The following SFI1 variants were observed in gnomAD, a reference collection of about 807,000 sequenced individuals.
The protein encoded by SFI1 is protein SFI1 homolog.
Under a neutral mutation model 207.5 loss-of-function variants are expected in SFI1, and 195 were observed. That is an observed-to-expected ratio of 0.94 (90% CI 0.84 to 1.06). SFI1 has a LOEUF of 1.06. Ranked by LOEUF, SFI1 falls within the 50% of genes least tolerant of loss-of-function variation. SFI1 has a pLI of 0.00. For synonymous variants in SFI1, 630 were observed against 598.9 expected (o/e 1.05, Z -0.76); for missense variants, 1,634 against 1,588.0 (o/e 1.03, Z -0.49).
chr22:31,613,707 A>T lies in SFI1; in HGVS notation c.2848A>T (p.Ser950Cys). The T allele has an allele frequency of 1.2e-6, 2 of 1,613,004 alleles. No homozygotes were observed. Among genetic ancestry groups the T allele is most frequent in the African/African-American group, 1.3e-5 (1 of 75,062 alleles). The change falls in exon 27 of 33, where the codon AGC becomes TGC. Residue 950 changes from serine to cysteine, a missense_variant. Coordinates refer to ENST00000400288, the MANE Select transcript of SFI1 (RefSeq NM_001007467.3). ...TCAGCCCCTGGCAGCCATCGCACCCAGCAGGAAAGTGACGTTTGAGGGTCC... is the reference window on the plus strand; with the variant it reads ...TCAGCCCCTGGCAGCCATCGCACCCTGCAGGAAAGTGACGTTTGAGGGTCC... ...KPQPLAAIAPSRKVTFEGPLL... is the reference protein window; with the variant it reads ...KPQPLAAIAPCRKVTFEGPLL...
chr22:31,556,582 C>G (rs1217838812), intron 6 of SFI1, among the ~76,000 whole-genome samples: 1 of 152,174 alleles, frequency 6.6e-6, no homozygotes, highest in African/African-American at 2.4e-5. Flanking sequence ...TTGATTATCA[C>G]TCATGCCATT....
chr22:31,573,741 TCTG>T (rs2063191843), intron 9 of SFI1, among the ~76,000 whole-genome samples: 1 of 152,164 alleles, frequency 6.6e-6, no homozygotes, highest in Non-Finnish European at 1.5e-5. Flanking sequence ...TCCGGCCTCT[TCTG>T]TATATTTTTT....
At position 31,601,990 on chromosome 22, in the gene SFI1, G is replaced by T. The variant is rs545602518; in HGVS notation, c.1545-222G>T. Among the ~76,000 whole-genome samples, 613 of 143,958 alleles carry T rather than the reference G, an allele frequency of 4.3e-3. 14 individuals carry two copies. The highest frequency in any genetic ancestry group is 0.015 in the African/African-American group (585 of 39,286). 94.4% of individuals were successfully genotyped at this position (143,958 alleles called of 152,430 possible). On this transcript the variant is annotated intron_variant, in intron 15 of 32. Coordinates refer to ENST00000400288, the MANE Select transcript of SFI1 (RefSeq NM_001007467.3). ...AATTTTTTTGTAGAGATGGAGTTTT[G>T]CTATGTTGCCCAGGCTGGTCTTGGC...
chr22:31,610,976 C>T (rs1167113954), intron 22 of SFI1, among the ~76,000 whole-genome samples, 167 bp from the exon 23 acceptor site: 2 of 152,234 alleles, frequency 1.3e-5, no homozygotes. Context: ...GTGGCCAGAG[C>T]TGTCCCTAGA....
intron 4 of SFI1, among the ~76,000 whole-genome samples, chr22:31,540,253 ATTTTATTTTATTTTATTTATTTATTTAT>A (rs1229937975): frequency 1.4e-5 from 2 of 147,736 alleles, no homozygotes; most frequent in African/African-American, 5.1e-5. Flanking sequence ...ATTTATTTAT[ATTTTATTTTATTTTATTTATTTATTTAT>A]TTTTATTTTA....
At chr22:31,554,201 T>A (rs1202178877) in intron 6 of SFI1, among the ~76,000 whole-genome samples, 1 of 152,130 alleles carries the variant, frequency 6.6e-6, no homozygotes, top group Non-Finnish European at 1.5e-5. Context: ...TAACCCAGGG[T>A]CACAAAGATT....
intron 6 of SFI1, 38 bp downstream of exon 6, chr22:31,550,386 C>T (rs747355356): frequency 7.2e-6 from 11 of 1,534,114 alleles, no homozygotes; most frequent in Admixed American, 1.7e-5. Flanking sequence ...AAGATGCCCA[C>T]ATTTACTTTG....
chr22:31,547,418 C>G (rs944800528), intron 5 of SFI1, among the ~76,000 whole-genome samples: 2 of 152,180 alleles, frequency 1.3e-5, no homozygotes, highest in African/African-American at 4.8e-5. Context: ...TCAAGCGATT[C>G]TACTGCCTCA....
At chr22:31,607,018 G>T (rs1937622254) in intron 21 of SFI1, among the ~76,000 whole-genome samples, 1 of 151,642 alleles carries the variant, frequency 6.6e-6, no homozygotes, top group Admixed American at 6.6e-5. Context: ...GAGCCGAATT[G>T]CACCACTGCA....
Position 31,613,772 on chromosome 22 carries a change from C to T in SFI1, c.2913C>T (p.Thr971=), listed in dbSNP as rs2070823060. ...TTGCTGCTGGGGCTGGGGATGGCAC[C>T]CTTGAGACCAAGAGGCCACAGGCTT... ...NRIAAGAGDG[T]LETKRPQASR... is the part of the protein sequence containing the mutation. Residue 971 remains threonine, a synonymous_variant, in exon 27 of 33, where the codon ACC becomes ACT. Transcript: ENST00000400288. 1 of 1,612,738 alleles carries T rather than the reference C, an allele frequency of 6.2e-7. No individual in the cohort carries two copies. The highest frequency in any genetic ancestry group is 1.3e-5 in the African/African-American group (1 of 74,922).
intron 2 of SFI1, among the ~76,000 whole-genome samples, chr22:31,524,366 T>G (rs1406575364): frequency 6.6e-6 from 1 of 152,200 alleles, no homozygotes; most frequent in Non-Finnish European, 1.5e-5. Flanking sequence ...TCTTCGTATA[T>G]GTGTTAGCCA....
intron 1 of SFI1, among the ~76,000 whole-genome samples, chr22:31,501,701 G>A (rs1037926092): frequency 1.3e-5 from 2 of 152,256 alleles, no homozygotes; most frequent in African/African-American, 4.8e-5. Flanking sequence ...GCACTAATGC[G>A]TAGCAGAGTA....
At chr22:31,576,450 A>T (rs1371429378) in intron 10 of SFI1, among the ~76,000 whole-genome samples, 1 of 151,210 alleles carries the variant, frequency 6.6e-6, no homozygotes, top group Admixed American at 6.6e-5. Flanking sequence ...CCTCCTGAGT[A>T]GCTGGGATTA....
At chr22:31,582,871 C>CT (rs1042512867) in intron 12 of SFI1, among the ~76,000 whole-genome samples, 4 of 151,938 alleles carry the variant, frequency 2.6e-5, no homozygotes, top group Non-Finnish European at 4.4e-5. Flanking sequence ...AAATGACTGC[C>CT]TTTTTTTAAA....
At chr22:31,601,060 A>C (rs1476706367) in intron 15 of SFI1, among the ~76,000 whole-genome samples, 1 of 151,670 alleles carries the variant, frequency 6.6e-6, no homozygotes, top group Admixed American at 6.6e-5. Context: ...TGATGTTGTT[A>C]ATGGTGATCT....
chr22:31,610,635 G>A (rs186978664), intron 22 of SFI1, among the ~76,000 whole-genome samples: 1 of 152,312 alleles, frequency 6.6e-6, no homozygotes, highest in Admixed American at 6.5e-5. Context: ...AGAACCCAGG[G>A]AGCCAGAGGG....
intron 27 of SFI1, 69 bp downstream of exon 27, chr22:31,613,924 G>A (rs2070859095): frequency 1.3e-6 from 2 of 1,500,742 alleles, no homozygotes; most frequent in Non-Finnish European, 1.8e-6. Context: ...ATAGCAGGGA[G>A]GAAAACAGCC....
chr22:31,575,517 C>A (rs2145922275), intron 10 of SFI1, 125 bp downstream of exon 10: 1 of 1,004,808 alleles, frequency 1.0e-6, no homozygotes, highest in South Asian at 2.3e-5. Flanking sequence ...ACAGCCTTAT[C>A]TCTGTTGACA....
chr22:31,609,085 C>T (rs2069598038), intron 22 of SFI1, among the ~76,000 whole-genome samples: 1 of 151,946 alleles, frequency 6.6e-6, no homozygotes, highest in Non-Finnish European at 1.5e-5. Flanking sequence ...GCAACCTCCA[C>T]CTCTTGGGGT....
Sources: allele counts gnomAD v4.1 joint callset (sites outside exome capture counted in the v4.1 genomes callset), GRCh38; gene constraint gnomAD v4.1.1; transcripts MANE v1.5; gene names NCBI Gene and HGNC (gene_info 2026-07-23, HGNC 2026-07-21).